The following HSPE1 variants were observed in gnomAD, a reference collection of about 807,000 sequenced individuals.
HSPE1 encodes the protein heat shock protein family E (Hsp10) member 1, also known as 10 kDa heat shock protein, mitochondrial.
HSPE1 carries 1 observed loss-of-function variant against 13.2 expected under a neutral mutation model. The ratio of observed to expected loss-of-function variants is 0.08; its 90% CI spans 0.03 to 0.36. The LOEUF (loss-of-function observed/expected upper bound fraction) is 0.36, where lower values mean the gene tolerates loss of function less well. Ranked by LOEUF, HSPE1 falls within the 10% of genes least tolerant of loss-of-function variation. The pLI is 0.99. For missense variants in HSPE1, 73 were observed against 118.7 expected, an observed-to-expected ratio of 0.62 and a Z score of 1.79; for synonymous variants, 44 against 42.0, an observed-to-expected ratio of 1.05 and a Z score of -0.19.
chr2:197,500,899 G>T, intron 1 of HSPE1, 175 bp from the exon 2 acceptor site: 1 of 751,356 alleles, frequency 1.3e-6, no homozygotes. Flanking sequence ...AAGGAATCGG[G>T]AATTAAACTT....
At position 197,503,056 on chromosome 2, in the gene HSPE1, A is replaced by C; in HGVS notation, c.186A>C (p.Pro62=). ...TTTTTAAGGGTGGAGAGATTCAACC[A>C]GTTAGCGTGAAAGTTGGAGATAAAG... ...GSKGKGGEIQ[P]VSVKVGDKVL... Residue 62 remains proline (P), a synonymous_variant, in exon 3 of 4, where the codon CCA becomes CCC. Coordinates refer to ENST00000233893, the MANE Select transcript of HSPE1 (RefSeq NM_002157.3). 6.2e-7 allele frequency: 1 copy of C among 1,601,298 alleles called. No homozygotes were observed. The highest frequency in any genetic ancestry group is 1.1e-5 in the South Asian group (1 of 90,930).
At chr2:197,501,322 A>G in intron 2 of HSPE1, 84 bp downstream of exon 2, 5 of 1,429,632 alleles carry the variant, frequency 3.5e-6, no homozygotes, top group Non-Finnish European at 4.7e-6. Context: ...AAAGTCGCTT[A>G]TTAAGTAGAG....
Position 197,501,409 on chromosome 2 carries a change from C to T in HSPE1, c.168+171C>T, listed in dbSNP as rs556047288. 5.3e-6 allele frequency: 4 copies of T among 761,410 alleles called. No homozygotes were observed. In the South Asian group the frequency reaches 8.7e-5, roughly 17 times the overall value. 47.2% of individuals were successfully genotyped at this position (761,410 alleles called of 1,614,324 possible). ...AAGGGAAATGACTAATATAAAGTTG[C>T]TTATTTTATATGACCAATGCTATGA... On this transcript the variant is annotated intron_variant, in intron 2 of 3. Transcript: ENST00000233893.
chr2:197,500,563 C>T, intron 1 of HSPE1, 124 bp downstream of exon 1: 3 of 1,430,426 alleles, frequency 2.1e-6, no homozygotes, highest in East Asian at 2.5e-5. Context: ...GACCAGCGCC[C>T]GATGGCACCT....
At chr2:197,500,513 T>A in intron 1 of HSPE1, 74 bp downstream of exon 1, 1 of 1,537,004 alleles carries the variant, frequency 6.5e-7, no homozygotes, top group Middle Eastern at 1.7e-4. Flanking sequence ...GACGCCCCTC[T>A]TTTGTTGGGC....
intron 1 of HSPE1, 186 bp downstream of exon 1, chr2:197,500,625 C>A: frequency 1.2e-6 from 1 of 856,894 alleles, no homozygotes; most frequent in Non-Finnish European, 1.8e-6. Flanking sequence ...TCTTTGCACG[C>A]GCGTGTGCTG....
chr2:197,501,315 G>A, intron 2 of HSPE1, 77 bp downstream of exon 2: 1 of 1,458,458 alleles, frequency 6.9e-7, no homozygotes, highest in Non-Finnish European at 9.1e-7. Flanking sequence ...AGTATTAAAA[G>A]TCGCTTATTA....
Position 197,503,189 on chromosome 2 carries a change from A to G in HSPE1, c.259-20A>G. ...TATTTGCAATTAGTTGTCTTAACTA[A>G]TGGTTTTTTTCACTTGCAGGATTAT... On this transcript the variant is annotated intron_variant, in intron 3 of 3. Coordinates refer to ENST00000233893, the MANE Select transcript of HSPE1 (RefSeq NM_002157.3). 2 of 1,601,366 alleles carry G rather than the reference A, an allele frequency of 1.2e-6. No homozygotes were observed. Among genetic ancestry groups the G allele is most frequent in the African/African-American group, 1.3e-5 (1 of 74,756 alleles).
At position 197,502,692 on chromosome 2, in the gene HSPE1, T is replaced by C. The variant is rs553616205; in HGVS notation, c.169-347T>C. ...GGCATTTTCTGGGTGCTGGCTACTG[T>C]TGCAGGTTTATTTCATATAGTTGAT... On this transcript the variant is annotated intron_variant, in intron 2 of 3. Transcript: ENST00000233893. Among the ~76,000 whole-genome samples the C allele has an allele frequency of 2.0e-5, 3 of 152,352 alleles. No homozygotes were observed. The South Asian group carries it at 6.2e-4, about 32-fold the overall frequency.
Position 197,500,926 on chromosome 2 carries a change from C to T in HSPE1, c.4-148C>T, listed in dbSNP as rs546209685. Reference sequence around the variant, plus strand: ...ATTAAACTTGGAATATTGGTTAGTACATTCAAATGCGCTTCCTTAACGAAT... The same window carrying T: ...ATTAAACTTGGAATATTGGTTAGTATATTCAAATGCGCTTCCTTAACGAAT... On this transcript the variant is annotated intron_variant, in intron 1 of 3. Coordinates refer to ENST00000233893, the MANE Select transcript of HSPE1 (RefSeq NM_002157.3). The T allele has an allele frequency of 7.5e-5, 68 of 906,966 alleles. No individual in the cohort carries two copies. In the East Asian group the frequency reaches 1.8e-3, roughly 23 times the overall value. 56.2% of individuals were successfully genotyped at this position (906,966 alleles called of 1,614,324 possible). A position where few individuals can be genotyped will look rare whatever the true frequency, so the allele number is the denominator to read the frequency against.
intron 1 of HSPE1, chr2:197,500,861 A>G (rs2086243518): frequency 1.6e-6 from 1 of 616,670 alleles, no homozygotes. Flanking sequence ...TGCTCACCGG[A>G]GGAGCGACAA....
At position 197,501,077 on chromosome 2, in the gene HSPE1, G is replaced by A; in HGVS notation, c.7G>A (p.Gly3Arg). The A allele has an allele frequency of 1.2e-6, 2 of 1,613,010 alleles. No homozygotes were observed. The highest frequency in any genetic ancestry group is 1.7e-6 in the Non-Finnish European group (2 of 1,179,596). The change falls in exon 2 of 4, where the codon GGA (glycine) becomes AGA (arginine). Residue 3 changes from glycine (G) to arginine (R), a missense_variant. Gly to Arg is a moderately radical substitution (Grantham distance 125). Transcript: ENST00000233893. ...CAAAACATTTCTCTTCCTACAGGCA[G>A]GACAAGCGTTTAGAAAGTTTCTTCC... MA[G>R]QAFRKFLPLF...
Position 197,503,299 on chromosome 2 carries a change from C to T in HSPE1, c.*40C>T. The T allele has an allele frequency of 7.8e-7, 1 of 1,282,682 alleles. No individual in the cohort carries two copies. The highest frequency in any genetic ancestry group is 1.5e-5 in the African/African-American group (1 of 67,786). 79.5% of individuals were successfully genotyped at this position (1,282,682 alleles called of 1,614,324 possible). On this transcript the variant is annotated 3_prime_UTR_variant, in exon 4 of 4. Transcript: ENST00000233893. ...GAAATGGCATCAACATGATGCTGCC[C>T]ATTCCACTGAAGTTCTGAAATCTTT...
At chr2:197,500,719 T>G (rs2086241433) in intron 1 of HSPE1, 1 of 594,094 alleles carries the variant, frequency 1.7e-6, no homozygotes. Flanking sequence ...GGATGTGTAA[T>G]ATCTTGGGTA....
At position 197,501,062 on chromosome 2, in the gene HSPE1, C is replaced by T. The variant is rs1168094180; in HGVS notation, c.4-12C>T. 6.2e-6 allele frequency: 10 copies of T among 1,602,528 alleles called. No individual in the cohort carries two copies. The highest frequency in any genetic ancestry group is 1.1e-5 in the South Asian group (1 of 89,884). ...ATTTAGTTTTTGTTTCAAAACATTTCTCTTCCTACAGGCAGGACAAGCGTT... is the reference window on the plus strand; with the variant it reads ...ATTTAGTTTTTGTTTCAAAACATTTTTCTTCCTACAGGCAGGACAAGCGTT... On this transcript the variant is annotated splice_polypyrimidine_tract_variant and intron_variant, in intron 1 of 3. Coordinates refer to ENST00000233893, the MANE Select transcript of HSPE1 (RefSeq NM_002157.3).
In HSPE1 at chr2:197,503,236, A is replaced by G. The variant is rs768477167; in HGVS notation, c.286A>G (p.Ile96Val). Residue 96 changes from isoleucine (I) to valine (V), a missense_variant, in exon 4 of 4, where the codon ATT (isoleucine) becomes GTT (valine). Physicochemically the swap from Ile to Val is conservative, Grantham distance 29 (BLOSUM62 3). Transcript: ENST00000233893. ...TTATTTCCTATTTAGAGATGGTGAC[A>G]TTCTTGGAAAGTACGTAGACTGAAA... The part of the protein sequence containing the change: ...KDYFLFRDGD[I>V]LGKYVD 3.1e-6 allele frequency: 5 copies of G among 1,607,970 alleles called. No individual in the cohort carries two copies. Among genetic ancestry groups the G allele is most frequent in the South Asian group, 2.2e-5 (2 of 91,000 alleles).
chr2:197,502,898 G>C, intron 2 of HSPE1, 141 bp from the exon 3 acceptor site: 1 of 598,384 alleles, frequency 1.7e-6, no homozygotes, highest in Non-Finnish European at 3.0e-6. Flanking sequence ...AGTATGAGTC[G>C]TATCACTTAG....
chr2:197,503,033 T>C lies in HSPE1; in HGVS notation c.169-6T>C. 4 of 1,549,540 alleles carry C rather than the reference T, an allele frequency of 2.6e-6. No individual in the cohort carries two copies. Among genetic ancestry groups the C allele is most frequent in the Non-Finnish European group, 2.7e-6 (3 of 1,131,224 alleles). On this transcript the variant is annotated splice_polypyrimidine_tract_variant and splice_region_variant and intron_variant, in intron 2 of 3. Coordinates refer to ENST00000233893, the MANE Select transcript of HSPE1 (RefSeq NM_002157.3). ...CTTTGCTAATAAACATCCTTCCTTTTTTAAGGGTGGAGAGATTCAACCAGT... is the reference window on the plus strand; with the variant it reads ...CTTTGCTAATAAACATCCTTCCTTTCTTAAGGGTGGAGAGATTCAACCAGT...
chr2:197,502,604 T>A (rs1014790021), intron 2 of HSPE1, among the ~76,000 whole-genome samples: 5 of 152,226 alleles, frequency 3.3e-5, no homozygotes, highest in Admixed American at 3.3e-4. Context: ...GAGTATGTTC[T>A]AAATCCAAAA....
Sources: allele counts gnomAD v4.1 joint callset (sites outside exome capture counted in the v4.1 genomes callset), GRCh38; gene constraint gnomAD v4.1.1; transcripts MANE v1.5; gene names NCBI Gene and HGNC (gene_info 2026-07-23, HGNC 2026-07-21).